Variants in INPP4A observed in about 807,000 individuals in gnomAD.
The protein encoded by INPP4A is inositol polyphosphate-4-phosphatase type I A.
In INPP4A, 33 loss-of-function variants were observed where a neutral mutation model predicts 119.8. The ratio of observed to expected loss-of-function variants is 0.28; its 90% confidence interval spans 0.21 to 0.37. The LOEUF is 0.37. INPP4A is among the 10% of genes least tolerant of loss of function. INPP4A has a pLI of 1.00. For synonymous variants in INPP4A, 496 were observed against 500.7 expected, an observed-to-expected ratio of 0.99 and a Z score of 0.12; for missense variants, 956 against 1,289.9, an observed-to-expected ratio of 0.74 and a Z score of 3.97.
chr2:98,540,447 A>G (rs1464891126), intron 10 of INPP4A, among the ~76,000 whole-genome samples: 1 of 152,248 alleles, frequency 6.6e-6, no homozygotes, highest in African/African-American at 2.4e-5. Context: ...TGTCAGTTCT[A>G]AGGTGAGGAG....
intron 1 of INPP4A, among the ~76,000 whole-genome samples, chr2:98,456,330 C>T (rs937108968): frequency 6.6e-6 from 1 of 152,074 alleles, no homozygotes; most frequent in Non-Finnish European, 1.5e-5. Flanking sequence ...AAAGCTTTTA[C>T]ATTTTTTATT....
At chr2:98,454,480 T>C (rs545111333) in intron 1 of INPP4A, among the ~76,000 whole-genome samples, 3 of 152,106 alleles carry the variant, frequency 2.0e-5, no homozygotes, top group Non-Finnish European at 4.4e-5. Context: ...GGTGCTAGGC[T>C]CACAGGAGGG....
intron 24 of INPP4A, among the ~76,000 whole-genome samples, chr2:98,584,919 A>G (rs920103003): frequency 1.8e-4 from 28 of 152,354 alleles, no homozygotes; most frequent in African/African-American, 6.7e-4. Flanking sequence ...GGATGAAACA[A>G]AGATGGGAGA....
chr2:98,565,312 A>G (rs1460217406), intron 19 of INPP4A, among the ~76,000 whole-genome samples: 3 of 152,172 alleles, frequency 2.0e-5, no homozygotes, highest in African/African-American at 7.2e-5. Flanking sequence ...AGCATCTCTC[A>G]TTTCGTGTTT....
chr2:98,505,480 GGA>G (rs1229996173), intron 1 of INPP4A, among the ~76,000 whole-genome samples: 4 of 152,202 alleles, frequency 2.6e-5, no homozygotes, highest in African/African-American at 9.7e-5. Flanking sequence ...AGCTTTTGTA[GGA>G]GAGAGAGGAC....
chr2:98,578,178 G>A (rs566300931), intron 24 of INPP4A, among the ~76,000 whole-genome samples: 3 of 152,280 alleles, frequency 2.0e-5, no homozygotes, highest in South Asian at 2.1e-4. Context: ...CTCAAAGACC[G>A]GTGCTCTGGG....
At position 98,587,738 on chromosome 2, in the gene INPP4A, A is replaced by T. The variant is rs966930611; in HGVS notation, c.*130A>T. ...GTGGTTTTTTTAAAAAAAACATTTCACTAAAGAGTCTCTGGAGCATGTTTT... is the reference window on the plus strand; with the variant it reads ...GTGGTTTTTTTAAAAAAAACATTTCTCTAAAGAGTCTCTGGAGCATGTTTT... On this transcript the variant is annotated 3_prime_UTR_variant, in exon 25 of 25. Transcript: ENST00000409851. 1.6e-5 allele frequency: 12 copies of T among 765,902 alleles called. No individual in the cohort carries two copies. Among genetic ancestry groups the T allele is most frequent in the Non-Finnish European group, 2.4e-5 (12 of 493,760 alleles). The allele number at this position is 765,902 out of a possible 1,614,324, so 47.4% of individuals were successfully genotyped here.
chr2:98,525,516 C>G (rs1410479518), intron 4 of INPP4A, among the ~76,000 whole-genome samples: 1 of 152,078 alleles, frequency 6.6e-6, no homozygotes, highest in African/African-American at 2.4e-5. Context: ...CTACCACTTC[C>G]TAAAATTTAA....
chr2:98,560,658 C>T (rs1695308596), intron 17 of INPP4A, among the ~76,000 whole-genome samples: 1 of 152,238 alleles, frequency 6.6e-6, no homozygotes, highest in Non-Finnish European at 1.5e-5. Context: ...GTCTCCTCCT[C>T]CGTTGCCTCC....
intron 1 of INPP4A, among the ~76,000 whole-genome samples, chr2:98,517,288 A>G (rs1686329104): frequency 6.6e-6 from 1 of 152,152 alleles, no homozygotes; most frequent in Admixed American, 6.5e-5. Flanking sequence ...TGTCTCAGGT[A>G]TCTTGCTACT....
chr2:98,559,348 T>C (rs941091705), intron 16 of INPP4A, 115 bp from the exon 17 acceptor site: 1 of 1,189,858 alleles, frequency 8.4e-7, no homozygotes, highest in African/African-American at 1.5e-5. Flanking sequence ...TCTTTTCTGT[T>C]TGTTAGCCGC....
At chr2:98,584,851 C>G (rs917669777) in intron 24 of INPP4A, among the ~76,000 whole-genome samples, 6 of 152,362 alleles carry the variant, frequency 3.9e-5, no homozygotes, top group Middle Eastern at 3.4e-3. Flanking sequence ...GCCTTTTACT[C>G]ATGAAATCAG....
intron 11 of INPP4A, among the ~76,000 whole-genome samples, chr2:98,544,918 A>G (rs930524425): frequency 1.3e-5 from 2 of 152,260 alleles, no homozygotes; most frequent in East Asian, 1.9e-4. Context: ...ACATTTGCCC[A>G]GGAAGGAACC....
intron 1 of INPP4A, among the ~76,000 whole-genome samples, chr2:98,509,645 C>T (rs760959969): frequency 6.6e-5 from 10 of 152,128 alleles, no homozygotes; most frequent in Non-Finnish European, 8.8e-5. Flanking sequence ...GGAAGGCAGT[C>T]GGCAGATCCC....
In INPP4A at chr2:98,533,431, C is replaced by G; in HGVS notation, c.206C>G (p.Ala69Gly). The G allele has an allele frequency of 3.1e-6, 5 of 1,613,642 alleles. No individual in the cohort carries two copies. The highest frequency in any genetic ancestry group is 4.2e-6 in the Non-Finnish European group (5 of 1,179,728). The change falls in exon 5 of 25, where the codon GCG becomes GGG. Residue 69 changes from alanine to glycine, a missense_variant. Transcript: ENST00000409851. ...SLDRKPNSFV[A>G]VSVTTPPQAF... ...GATCGAAAGCCAAATAGTTTTGTTG[C>G]GGTGAGTGTCACCACCCCTCCTCAG...
chr2:98,529,167 T>C (rs1688731806), intron 4 of INPP4A, among the ~76,000 whole-genome samples: 1 of 152,116 alleles, frequency 6.6e-6, no homozygotes, highest in South Asian at 2.1e-4. Context: ...TTGAATGTTA[T>C]CAATAAAAAG....
chr2:98,577,221 GC>G, intron 24 of INPP4A, 78 bp downstream of exon 24: 1 of 1,407,178 alleles, frequency 7.1e-7, no homozygotes, highest in Non-Finnish European at 9.6e-7. Context: ...CCCTGCTCCT[GC>G]CTGCAGGGCC....
intron 13 of INPP4A, chr2:98,549,018 T>C (rs1443831832): frequency 6.3e-7 from 1 of 1,590,812 alleles, no homozygotes; most frequent in African/African-American, 1.3e-5. Flanking sequence ...CTCGTCCTCA[T>C]GCAGAGAAAG....
At chr2:98,556,405 G>A (rs1334715914) in intron 16 of INPP4A, among the ~76,000 whole-genome samples, 1 of 152,228 alleles carries the variant, frequency 6.6e-6, no homozygotes, top group African/African-American at 2.4e-5. Context: ...CTTCAGGGTA[G>A]GACACTGGCA....
Sources: gnomAD v4.1 joint callset for allele counts (sites outside exome capture counted in the v4.1 genomes callset) on GRCh38, gnomAD v4.1.1 for gene constraint, MANE v1.5 for transcripts, NCBI Gene and HGNC (gene_info 2026-07-23, HGNC 2026-07-21) for gene names.